PDZRN4: variants seen among roughly 807,000 people sequenced by gnomAD.
The protein encoded by PDZRN4 is PDZ domain containing ring finger 4.
PDZRN4 carries 70 observed loss-of-function variants against 99.0 expected under a neutral mutation model. The observed-to-expected ratio is 0.71, with a 90% CI of 0.58 to 0.86. PDZRN4 has a LOEUF of 0.86. PDZRN4 is among the 40% of genes least tolerant of loss of function. The pLI is 0.00. For missense variants in PDZRN4, 1,474 were observed against 1,331.2 expected, an observed-to-expected ratio of 1.11 and a Z score of -1.67; for synonymous variants, 551 against 501.6, an observed-to-expected ratio of 1.10 and a Z score of -1.32.
At chr12:41,450,840 A>G (rs1202914551) in intron 3 of PDZRN4, among the ~76,000 whole-genome samples, 1 of 152,118 alleles carries the variant, frequency 6.6e-6, no homozygotes, top group Admixed American at 6.6e-5. Context: ...AGACAAGAGG[A>G]TTGCTTGAGG....
intron 3 of PDZRN4, among the ~76,000 whole-genome samples, chr12:41,367,078 A>G (rs1952006209): frequency 6.6e-6 from 1 of 152,102 alleles, no homozygotes; most frequent in Non-Finnish European, 1.5e-5. Context: ...TACAAGAGGC[A>G]AAAATATAGA....
chr12:41,522,735 G>T (rs965956657), intron 5 of PDZRN4, among the ~76,000 whole-genome samples: 1 of 152,068 alleles, frequency 6.6e-6, no homozygotes, highest in African/African-American at 2.4e-5. Flanking sequence ...TTAAACATGT[G>T]CATAGCTGTA....
chr12:41,463,769 G>A lies in PDZRN4; in HGVS notation c.844-42687G>A, dbSNP rs184067775. Among the ~76,000 whole-genome samples the A allele has an allele frequency of 1.8e-3, 278 of 152,182 alleles. 1 individual carries two copies. The highest frequency in any genetic ancestry group is 5.8e-3 in the African/African-American group (241 of 41,540). On this transcript the variant is annotated intron_variant, in intron 3 of 9. Transcript: ENST00000402685. ...CCACTTTGTTTGTAAGTACATTTTT[G>A]TTTTCCATTCCTGTTGAATTTATTA... is the stretch of plus-strand genomic sequence containing the variant.
At chr12:41,430,838 G>A (rs985147981) in intron 3 of PDZRN4, among the ~76,000 whole-genome samples, 22 of 152,330 alleles carry the variant, frequency 1.4e-4, no homozygotes, top group Middle Eastern at 6.8e-3. Context: ...GCTCACAGTT[G>A]TGCAGGCTGT....
intron 3 of PDZRN4, among the ~76,000 whole-genome samples, chr12:41,221,004 T>G (rs1950951917): frequency 6.6e-6 from 1 of 152,212 alleles, no homozygotes; most frequent in Non-Finnish European, 1.5e-5. Flanking sequence ...ACCATATGAC[T>G]GAGTTCTAGG....
intron 3 of PDZRN4, among the ~76,000 whole-genome samples, chr12:41,417,659 G>C (rs1254332479): frequency 6.6e-6 from 1 of 152,144 alleles, no homozygotes; most frequent in Non-Finnish European, 1.5e-5. Flanking sequence ...ATAGAGAGGA[G>C]GCACTTGATT....
intron 3 of PDZRN4, among the ~76,000 whole-genome samples, chr12:41,354,573 C>G (rs536899692): frequency 1.3e-5 from 2 of 151,728 alleles, no homozygotes. Flanking sequence ...TGAAGGAGAA[C>G]AAGAATTATC....
intron 3 of PDZRN4, among the ~76,000 whole-genome samples, chr12:41,368,688 C>A (rs1441424524): frequency 6.6e-6 from 1 of 152,068 alleles, no homozygotes. Flanking sequence ...TTTCAGTTGG[C>A]ATTATCTCAC....
At chr12:41,458,557 T>C (rs1952838522) in intron 3 of PDZRN4, among the ~76,000 whole-genome samples, 1 of 152,174 alleles carries the variant, frequency 6.6e-6, no homozygotes, top group Non-Finnish European at 1.5e-5. Context: ...GGGTTACTAT[T>C]AACTAAGTAG....
intron 3 of PDZRN4, among the ~76,000 whole-genome samples, chr12:41,284,982 A>G (rs1565541691): frequency 6.6e-6 from 1 of 152,098 alleles, no homozygotes; most frequent in South Asian, 2.1e-4. Flanking sequence ...AAAAGCAATG[A>G]CAAAAAAAGC....
chr12:41,574,047 TG>T lies in PDZRN4; in HGVS notation c.*158del, dbSNP rs1362463798. ...AAAAAATACCTGGTAATTTTTCATT[TG>T]TTTTTCATATACTGGTACCTTCTTT... On this transcript the variant is annotated 3_prime_UTR_variant, in exon 10 of 10. Coordinates refer to ENST00000402685, the MANE Select transcript of PDZRN4 (RefSeq NM_001164595.2). 1.1e-5 allele frequency: 5 copies of T among 460,874 alleles called. No homozygotes were observed. Among genetic ancestry groups the T allele is most frequent in the African/African-American group, 2.0e-5 (1 of 50,970 alleles). The allele number at this position is 460,874 out of a possible 1,614,324, so 28.5% of individuals were successfully genotyped here. A position where few individuals can be genotyped will look rare whatever the true frequency, so the allele number is the denominator to read the frequency against.
rs750008642 is a variant in PDZRN4, at chr12:41,509,816, A to G, written c.1106A>G (p.His369Arg). Residue 369 changes from histidine (H) to arginine (R), a missense_variant, in exon 5 of 10, where the codon CAT (histidine) becomes CGT (arginine). Physicochemically the swap from His to Arg is conservative, Grantham distance 29. Coordinates refer to ENST00000402685, the MANE Select transcript of PDZRN4 (RefSeq NM_001164595.2). Reference sequence around the variant, plus strand: ...TATTGCTACATTCCCCATAGCTGCCATTCTCTACATCCAATGGAGCATGAA... The same window carrying G: ...TATTGCTACATTCCCCATAGCTGCCGTTCTCTACATCCAATGGAGCATGAA... ...ICPFLLSDSC[H>R]SLHPMEHEFY... is the part of the protein sequence containing the mutation. 1.3e-6 allele frequency: 2 copies of G among 1,537,244 alleles called. No individual in the cohort carries two copies. The highest frequency in any genetic ancestry group is 1.8e-5 in the Admixed American group (1 of 56,324).
intron 3 of PDZRN4, among the ~76,000 whole-genome samples, chr12:41,298,444 T>C (rs1951509846): frequency 6.6e-6 from 1 of 152,176 alleles, no homozygotes; most frequent in South Asian, 2.1e-4. Flanking sequence ...AATTTGCTTT[T>C]TGTTTTTAGA....
chr12:41,527,802 C>T (rs572951141), intron 5 of PDZRN4, among the ~76,000 whole-genome samples: 2 of 152,288 alleles, frequency 1.3e-5, no homozygotes, highest in South Asian at 2.1e-4. Context: ...TTATTTGTAA[C>T]GGCACAGCTG....
At chr12:41,276,913 T>G (rs1380220545) in intron 3 of PDZRN4, among the ~76,000 whole-genome samples, 1 of 152,194 alleles carries the variant, frequency 6.6e-6, no homozygotes, top group Non-Finnish European at 1.5e-5. Flanking sequence ...TTAATAATAA[T>G]GTCATGCATA....
intron 3 of PDZRN4, among the ~76,000 whole-genome samples, chr12:41,291,297 T>C (rs78919447): frequency 0.014 from 2,197 of 152,262 alleles, 22 homozygotes; most frequent in Middle Eastern, 0.034. Context: ...AAGATTTAAA[T>C]GGAAGGGCCA....
chr12:41,538,803 A>T (rs2120760615), intron 5 of PDZRN4, among the ~76,000 whole-genome samples: 1 of 152,260 alleles, frequency 6.6e-6, no homozygotes, highest in Admixed American at 6.5e-5. Flanking sequence ...CATCATCATT[A>T]TACAAACATA....
chr12:41,501,614 C>T (rs941407808), intron 3 of PDZRN4, among the ~76,000 whole-genome samples: 7 of 152,114 alleles, frequency 4.6e-5, no homozygotes, highest in African/African-American at 7.2e-5. Flanking sequence ...GAAATGTATT[C>T]GCACATTTTT....
intron 6 of PDZRN4, among the ~76,000 whole-genome samples, chr12:41,555,050 TACAAAAAAAA>T (rs1939125781): frequency 7.5e-5 from 2 of 26,730 alleles, no homozygotes; most frequent in African/African-American, 1.5e-4. Flanking sequence ...CTACTAAAAA[TACAAAAAAAA>T]AAAAAAAAAA....
Sources: gnomAD v4.1 joint callset for allele counts (sites outside exome capture counted in the v4.1 genomes callset) on GRCh38, gnomAD v4.1.1 for gene constraint, MANE v1.5 for transcripts, NCBI Gene and HGNC (gene_info 2026-07-23, HGNC 2026-07-21) for gene names.